The following CRY1 variants were observed in gnomAD, a reference collection of about 807,000 sequenced individuals.
The protein encoded by CRY1 is cryptochrome-1.
CRY1 carries 45 observed loss-of-function variants against 76.0 expected under a neutral mutation model. That is an observed-to-expected ratio of 0.59 (90% CI 0.47 to 0.76). The LOEUF is 0.76. CRY1 is among the 30% of genes least tolerant of loss of function. The probability of loss-of-function intolerance (pLI) is 0.00; values close to 1 mark genes in which losing one functional copy is unlikely to be tolerated. For missense variants in CRY1, 587 were observed against 716.4 expected (o/e 0.82, Z 2.06); for synonymous variants, 248 against 244.0 (o/e 1.02, Z -0.15).
At chr12:107,022,323 C>G (rs1409406165) in intron 1 of CRY1, 131 bp from the exon 2 acceptor site, 4 of 408,758 alleles carry the variant, frequency 9.8e-6, no homozygotes, top group South Asian at 1.5e-4. Flanking sequence ...TTGATATATA[C>G]TTTTTCCAAA....
intron 1 of CRY1, among the ~76,000 whole-genome samples, chr12:107,027,953 G>T (rs1192211289): frequency 6.6e-6 from 1 of 152,110 alleles, no homozygotes; most frequent in Admixed American, 6.5e-5. Flanking sequence ...AAAGCCATGT[G>T]GTTCTGTATG....
intron 1 of CRY1, among the ~76,000 whole-genome samples, chr12:107,022,770 AAAAG>A (rs146409756): frequency 0.011 from 1,656 of 152,030 alleles, 34 homozygotes; most frequent in African/African-American, 0.038. Flanking sequence ...ATTTATTAAA[AAAAG>A]AAACTAATAA....
intron 1 of CRY1, among the ~76,000 whole-genome samples, chr12:107,035,206 T>TATA (rs1419054662): frequency 2.6e-5 from 4 of 152,256 alleles, no homozygotes; most frequent in African/African-American, 9.6e-5. Flanking sequence ...TTTTGATCTA[T>TATA]GACTTAGCAC....
intron 1 of CRY1, among the ~76,000 whole-genome samples, chr12:107,069,639 TATAA>T (rs1357708904): frequency 6.6e-5 from 9 of 136,664 alleles, no homozygotes; most frequent in South Asian, 4.4e-4. Context: ...AAAGTATATA[TATAA>T]AAAGTATATA....
At chr12:107,028,864 G>A (rs902583868) in intron 1 of CRY1, among the ~76,000 whole-genome samples, 1 of 152,060 alleles carries the variant, frequency 6.6e-6, no homozygotes, top group African/African-American at 2.4e-5. Context: ...AGAAAAAAAA[G>A]CAAAGTACAA....
Position 107,092,669 on chromosome 12 carries a change from G to A in CRY1, c.158+135C>T. 5 of 1,264,188 alleles carry A rather than the reference G, an allele frequency of 4.0e-6. No individual in the cohort carries two copies. In the South Asian group the frequency reaches 5.3e-5, roughly 13 times the overall value. 78.3% of individuals were successfully genotyped at this position (1,264,188 alleles called of 1,614,324 possible). A position where few individuals can be genotyped will look rare whatever the true frequency, so the allele number is the denominator to read the frequency against. ...TAAGTCAATTCTATTTAATACTTAG[G>A]GCACCTAAAATTCGTAAGCGGTATA... On this transcript the variant is annotated intron_variant, in intron 1 of 12. Transcript: ENST00000008527.
At chr12:107,025,465 T>C (rs1050202554) in intron 1 of CRY1, among the ~76,000 whole-genome samples, 5 of 152,188 alleles carry the variant, frequency 3.3e-5, no homozygotes, top group African/African-American at 7.2e-5. Context: ...ATCTGTAAAA[T>C]TGGGACAGTA....
At chr12:107,000,807 C>T (rs1486763376) in intron 5 of CRY1, among the ~76,000 whole-genome samples, 2 of 151,582 alleles carry the variant, frequency 1.3e-5, no homozygotes, top group African/African-American at 4.9e-5. Context: ...ACACCACCAC[C>T]CTGGCTAACT....
At chr12:107,047,193 G>C (rs1419537772) in intron 1 of CRY1, among the ~76,000 whole-genome samples, 1 of 152,002 alleles carries the variant, frequency 6.6e-6, no homozygotes, top group Non-Finnish European at 1.5e-5. Context: ...GACCACAATG[G>C]AATAAAATTA....
At chr12:107,058,642 CTT>C (rs1326232452) in intron 1 of CRY1, among the ~76,000 whole-genome samples, 1 of 152,172 alleles carries the variant, frequency 6.6e-6, no homozygotes, top group African/African-American at 2.4e-5. Context: ...AAGATAACCT[CTT>C]TTCACTTTCT....
rs1194712676 is a variant in CRY1 at position 107,005,134 on chromosome 12, T to G, written c.382A>C (p.Ile128Leu). 5 of 1,613,158 alleles carry G rather than the reference T, an allele frequency of 3.1e-6. No homozygotes were observed. Among genetic ancestry groups the G allele is most frequent in the Non-Finnish European group, 4.2e-6 (5 of 1,179,834 alleles). The change falls in exon 3 of 13, where the codon ATT (isoleucine) becomes CTT (leucine). Residue 128 changes from isoleucine to leucine, a missense_variant. Physicochemically the swap from Ile to Leu is conservative, Grantham distance 5 (BLOSUM62 2). Coordinates refer to ENST00000008527, the MANE Select transcript of CRY1 (RefSeq NM_004075.5). ...TCTAGGTCATATAATGTATGTGAAATTCTTACAATGACTTCTACTCCAGCT... is the reference window on the plus strand; with the variant it reads ...TCTAGGTCATATAATGTATGTGAAAGTCTTACAATGACTTCTACTCCAGCT... The part of the protein sequence containing the change: ...TEAGVEVIVR[I>L]SHTLYDLDKI...
At chr12:107,087,268 A>C (rs1953414563) in intron 1 of CRY1, among the ~76,000 whole-genome samples, 1 of 151,964 alleles carries the variant, frequency 6.6e-6, no homozygotes, top group East Asian at 1.9e-4. Context: ...GAGGGAGTGG[A>C]AAGTGAGGAA....
In CRY1 at chr12:107,015,369, T is replaced by A. The variant is rs577677253; in HGVS notation, c.267+6715A>T. ...CTTTTTTTTTTTTTGAGACAAGGTC[T>A]CACTCTGTTGCCCAGGCTGGAGTGC... On this transcript the variant is annotated intron_variant, in intron 2 of 12. Coordinates refer to ENST00000008527, the MANE Select transcript of CRY1 (RefSeq NM_004075.5). 2.0e-3 allele frequency among the ~76,000 whole-genome samples: 302 copies of A among 151,024 alleles called. 3 individuals carry two copies. Among genetic ancestry groups the A allele is most frequent in the African/African-American group, 7.0e-3 (288 of 41,086 alleles).
At position 107,005,267 on chromosome 12, in the gene CRY1, G is replaced by A; in HGVS notation, c.268-19C>T. 6.3e-7 allele frequency: 1 copy of A among 1,596,480 alleles called. No individual in the cohort carries two copies. The highest frequency in any genetic ancestry group is 8.5e-7 in the Non-Finnish European group (1 of 1,172,082). ...TCCATTCCTAAAGTAAGAGAAAGGG[G>A]AACAATGTACACCAATTGTAATAGT... On this transcript the variant is annotated intron_variant, in intron 2 of 12. Transcript: ENST00000008527.
In CRY1 at chr12:106,999,626, A is replaced by G; in HGVS notation, c.1062T>C (p.His354=). The G allele has an allele frequency of 6.2e-7, 1 of 1,614,244 alleles. No individual in the cohort carries two copies. Among genetic ancestry groups the G allele is most frequent in the Admixed American group, 1.7e-5 (1 of 60,020 alleles). ...MTQLRQEGWI[H]HLARHAVACF... ...AAGCAACTGCATGCCTGGCTAGATG[A>G]TGAATCCAACCCTCCTGACGAAGCT... is the stretch of plus-strand genomic sequence containing the variant. The change falls in exon 7 of 13, where the codon CAT becomes CAC. Residue 354 remains histidine, a synonymous_variant. Coordinates refer to ENST00000008527, the MANE Select transcript of CRY1 (RefSeq NM_004075.5).
intron 1 of CRY1, among the ~76,000 whole-genome samples, chr12:107,059,262 AT>A (rs1012485113): frequency 1.3e-5 from 2 of 152,104 alleles, no homozygotes; most frequent in East Asian, 1.9e-4. Flanking sequence ...GATTTTGTTT[AT>A]TTTTCTGAAA....
chr12:107,049,929 T>C (rs1157191746), intron 1 of CRY1: 1 of 152,122 alleles, frequency 6.6e-6, no homozygotes, highest in East Asian at 1.9e-4. Context: ...ACATCTGCAA[T>C]AGTAGACATA....
chr12:107,001,246 T>C (rs1239476557), intron 5 of CRY1, 34 bp downstream of exon 5: 4 of 1,478,074 alleles, frequency 2.7e-6, no homozygotes, highest in African/African-American at 1.4e-5. Context: ...AGTTTGGAAA[T>C]ACAAGCATAG....
chr12:107,035,901 C>T (rs1952727468), intron 1 of CRY1, among the ~76,000 whole-genome samples: 1 of 152,148 alleles, frequency 6.6e-6, no homozygotes, highest in Non-Finnish European at 1.5e-5. Flanking sequence ...CAAAGACTCA[C>T]CTGGTTGGTC....
Sources: gnomAD v4.1 joint callset for allele counts (sites outside exome capture counted in the v4.1 genomes callset) on GRCh38, gnomAD v4.1.1 for gene constraint, MANE v1.5 for transcripts, NCBI Gene and HGNC (gene_info 2026-07-23, HGNC 2026-07-21) for gene names.